Variants in IL1RAPL2 observed in about 807,000 individuals in gnomAD.
The protein encoded by IL1RAPL2 is interleukin 1 receptor accessory protein like 2, also known as X-linked interleukin-1 receptor accessory protein-like 2.
Under a neutral mutation model 44.1 loss-of-function variants are expected in IL1RAPL2, and 3 were observed. The observed-to-expected ratio is 0.07, with a 90% confidence interval of 0.03 to 0.18. IL1RAPL2 has a LOEUF of 0.18. IL1RAPL2 is among the 10% of genes least tolerant of loss of function. The probability of loss-of-function intolerance (pLI) is 1.00; values close to 1 mark genes in which losing one functional copy is unlikely to be tolerated. For missense variants in IL1RAPL2, 391 were observed against 496.4 expected (o/e 0.79, Z 2.02); for synonymous variants, 181 against 178.8 (o/e 1.01, Z -0.10).
chrX:105,022,210 A>G (rs1285700987), intron 2 of IL1RAPL2, among the ~76,000 whole-genome samples: 1 of 110,960 alleles, frequency 9.0e-6, no homozygotes, highest in Non-Finnish European at 1.9e-5. Flanking sequence ...TACAGATTTG[A>G]AATATTTATA....
At chrX:104,600,135 G>A (rs1435790893) in intron 1 of IL1RAPL2, among the ~76,000 whole-genome samples, 1 of 112,337 alleles carries the variant, frequency 8.9e-6, no homozygotes, top group Non-Finnish European at 1.9e-5. Context: ...CAAAAGCAAT[G>A]CAACATAAAT....
At chrX:105,206,209 C>T in intron 3 of IL1RAPL2, among the ~76,000 whole-genome samples, 1 of 111,576 alleles carries the variant, frequency 9.0e-6, no homozygotes, top group Non-Finnish European at 1.9e-5. Flanking sequence ...AGTAAGCACT[C>T]CATACATTAT....
At chrX:104,708,329 C>T (rs1407842157) in intron 2 of IL1RAPL2, among the ~76,000 whole-genome samples, 4 of 111,252 alleles carry the variant, frequency 3.6e-5, no homozygotes, top group African/African-American at 1.3e-4. Context: ...CACCTTGAAA[C>T]TGGCTCACCT....
intron 5 of IL1RAPL2, among the ~76,000 whole-genome samples, chrX:105,396,985 T>C (rs1368273222): frequency 9.1e-6 from 1 of 110,343 alleles, no homozygotes; most frequent in Non-Finnish European, 1.9e-5. Context: ...GAACTCTGCC[T>C]CCTGTCAGAT....
At chrX:104,648,468 T>G (rs1473915620) in intron 1 of IL1RAPL2, among the ~76,000 whole-genome samples, 1 of 112,622 alleles carries the variant, frequency 8.9e-6, no homozygotes, top group Non-Finnish European at 1.9e-5. Context: ...TCCTAATTTA[T>G]AATGTCATAA....
intron 2 of IL1RAPL2, among the ~76,000 whole-genome samples, chrX:104,821,011 A>T (rs1212743769): frequency 8.9e-6 from 1 of 112,033 alleles, no homozygotes; most frequent in Non-Finnish European, 1.9e-5. Flanking sequence ...TTCTGGTAAA[A>T]AATCAAAGTG....
At chrX:105,262,291 T>C (rs904919401) in intron 4 of IL1RAPL2, among the ~76,000 whole-genome samples, 15 of 112,029 alleles carry the variant, frequency 1.3e-4, no homozygotes, top group Non-Finnish European at 2.3e-4. Flanking sequence ...AACCAGAAGT[T>C]AATCTCAGCC....
intron 2 of IL1RAPL2, among the ~76,000 whole-genome samples, chrX:104,904,354 A>G (rs1408393206): frequency 2.8e-5 from 3 of 108,318 alleles, no homozygotes; most frequent in Non-Finnish European, 5.7e-5. Flanking sequence ...CACATTGTGC[A>G]GGTTAGTTAC....
At chrX:104,739,907 T>C (rs911645815) in intron 2 of IL1RAPL2, among the ~76,000 whole-genome samples, 2 of 111,702 alleles carry the variant, frequency 1.8e-5, no homozygotes, top group African/African-American at 3.3e-5. Flanking sequence ...AATTAGGTCA[T>C]GTAATGCAAA....
intron 5 of IL1RAPL2, among the ~76,000 whole-genome samples, chrX:105,467,172 G>A (rs1256211740): frequency 8.9e-6 from 1 of 111,797 alleles, no homozygotes; most frequent in African/African-American, 3.2e-5. Flanking sequence ...GGAATAAGGT[G>A]AAGCTTTCAT....
chrX:104,631,775 C>T (rs1929655420), intron 1 of IL1RAPL2, among the ~76,000 whole-genome samples: 1 of 110,960 alleles, frequency 9.0e-6, no homozygotes, highest in Admixed American at 9.6e-5. Context: ...CAAAAATTTT[C>T]TCCCATTCTG....
intron 3 of IL1RAPL2, among the ~76,000 whole-genome samples, chrX:105,211,444 A>G (rs1461093160): frequency 1.8e-5 from 2 of 111,225 alleles, no homozygotes; most frequent in African/African-American, 3.3e-5. Flanking sequence ...TGAGTCAATC[A>G]TAAACCTGGG....
intron 5 of IL1RAPL2, among the ~76,000 whole-genome samples, chrX:105,334,050 T>C (rs1309441911): frequency 1.5e-4 from 17 of 110,824 alleles, no homozygotes; most frequent in African/African-American, 4.9e-4. Context: ...GAAATCAGTA[T>C]ATCAAAGAGA....
intron 2 of IL1RAPL2, among the ~76,000 whole-genome samples, chrX:104,867,264 T>C (rs1487099828): frequency 2.9e-5 from 3 of 103,647 alleles, no homozygotes; most frequent in Non-Finnish European, 5.9e-5. Context: ...AAAAAAATTG[T>C]ATAGCCATGT....
chrX:105,010,310 C>T (rs1182609229), intron 2 of IL1RAPL2, among the ~76,000 whole-genome samples: 2 of 111,215 alleles, frequency 1.8e-5, no homozygotes, highest in Non-Finnish European at 3.8e-5. Flanking sequence ...GGGTTTCACT[C>T]TCATTTTGGG....
At chrX:104,730,296 A>T (rs991549769) in intron 2 of IL1RAPL2, among the ~76,000 whole-genome samples, 1 of 105,417 alleles carries the variant, frequency 9.5e-6, no homozygotes, top group African/African-American at 3.4e-5. Flanking sequence ...ATATGTATAC[A>T]TGTGCCATGC....
intron 2 of IL1RAPL2, among the ~76,000 whole-genome samples, chrX:104,878,512 C>T (rs923775649): frequency 1.8e-5 from 2 of 112,020 alleles, no homozygotes; most frequent in African/African-American, 6.5e-5. Flanking sequence ...ACTCTATTAG[C>T]TTTGCTGTGA....
chrX:105,489,680 C>G (rs1027947688), intron 6 of IL1RAPL2, among the ~76,000 whole-genome samples: 6 of 108,643 alleles, frequency 5.5e-5, no homozygotes, highest in Middle Eastern at 4.2e-3. Context: ...CTTTCTCTTT[C>G]TTTTTCTTTC....
chrX:105,569,299 C>T (rs911963466), intron 6 of IL1RAPL2, among the ~76,000 whole-genome samples: 7 of 111,854 alleles, frequency 6.3e-5, no homozygotes, highest in Non-Finnish European at 1.3e-4. Context: ...TGCTGTAGGT[C>T]ACATGTCTAA....
Sources: allele counts gnomAD v4.1 joint callset (sites outside exome capture counted in the v4.1 genomes callset), GRCh38; gene constraint gnomAD v4.1.1; transcripts MANE v1.5; gene names NCBI Gene and HGNC (gene_info 2026-07-23, HGNC 2026-07-21).